ATP8A1: variants seen among roughly 807,000 people sequenced by gnomAD.
The protein encoded by ATP8A1 is ATPase phospholipid transporting 8A1, also known as phospholipid-transporting ATPase IA.
ATP8A1 carries 90 observed loss-of-function variants against 177.7 expected under a neutral mutation model. The observed-to-expected ratio is 0.51, with a 90% CI of 0.43 to 0.60. The LOEUF (loss-of-function observed/expected upper bound fraction) is 0.60, where lower values mean the gene tolerates loss of function less well. Ranked by LOEUF, ATP8A1 falls within the 20% of genes least tolerant of loss-of-function variation. The pLI is 0.00. For synonymous variants in ATP8A1, 493 were observed against 485.9 expected (o/e 1.01, Z -0.19); for missense variants, 1,072 against 1,392.8 (o/e 0.77, Z 3.67).
intron 1 of ATP8A1, among the ~76,000 whole-genome samples, chr4:42,635,782 C>CACATATATATATATATAT (rs1553920597): frequency 3.7e-4 from 19 of 51,976 alleles, no homozygotes; most frequent in South Asian, 2.6e-3. Flanking sequence ...CACACACACA[C>CACATATATATATATATAT]ATATATATAT....
At chr4:42,636,573 C>A (rs565015639) in intron 1 of ATP8A1, among the ~76,000 whole-genome samples, 2 of 152,122 alleles carry the variant, frequency 1.3e-5, no homozygotes, top group Non-Finnish European at 2.9e-5. Flanking sequence ...TTAGCAATAC[C>A]TCTCAAATTT....
intron 33 of ATP8A1, among the ~76,000 whole-genome samples, chr4:42,425,908 G>A (rs1714559681): frequency 6.6e-6 from 1 of 152,238 alleles, no homozygotes; most frequent in South Asian, 2.1e-4. Context: ...CCTTGAGAAG[G>A]GATCAGCTGA....
intron 24 of ATP8A1, among the ~76,000 whole-genome samples, chr4:42,491,061 C>T (rs1438756575): frequency 2.0e-5 from 3 of 151,836 alleles, no homozygotes; most frequent in Admixed American, 6.6e-5. Context: ...CCTGTATACT[C>T]TTAAATACTC....
chr4:42,568,268 A>C (rs1415592806), intron 15 of ATP8A1, among the ~76,000 whole-genome samples: 1 of 152,214 alleles, frequency 6.6e-6, no homozygotes, highest in African/African-American at 2.4e-5. Flanking sequence ...CACTTCACTG[A>C]AATAAATTCC....
chr4:42,549,116 T>C (rs1577562077), intron 18 of ATP8A1, 54 bp from the exon 19 acceptor site: 2 of 1,419,964 alleles, frequency 1.4e-6, no homozygotes, highest in South Asian at 1.2e-5. Context: ...CTTAAGCTTC[T>C]AGGAAATAAA....
intron 20 of ATP8A1, among the ~76,000 whole-genome samples, chr4:42,541,252 G>C (rs1728359775): frequency 6.6e-6 from 1 of 152,176 alleles, no homozygotes; most frequent in Non-Finnish European, 1.5e-5. Context: ...ACATATAGAT[G>C]TTAAATAAGC....
chr4:42,486,093 C>A (rs189289683), intron 24 of ATP8A1, among the ~76,000 whole-genome samples: 2 of 152,098 alleles, frequency 1.3e-5, no homozygotes, highest in Admixed American at 6.6e-5. Flanking sequence ...AGTTTTGCCA[C>A]GAGAGTACAC....
chr4:42,606,681 C>T (rs531087759), intron 5 of ATP8A1, among the ~76,000 whole-genome samples: 5 of 152,314 alleles, frequency 3.3e-5, no homozygotes, highest in Admixed American at 1.3e-4. Context: ...CAATTTTCCA[C>T]AACAGCTGCA....
intron 9 of ATP8A1, among the ~76,000 whole-genome samples, chr4:42,584,487 T>C (rs1049115452): frequency 1.3e-5 from 2 of 152,226 alleles, no homozygotes; most frequent in Non-Finnish European, 2.9e-5. Flanking sequence ...AATATGTTAG[T>C]GGTCAGTCTC....
intron 22 of ATP8A1, 64 bp from the exon 23 acceptor site, chr4:42,507,218 T>C (rs1724460314): frequency 1.3e-6 from 2 of 1,524,690 alleles, no homozygotes; most frequent in Admixed American, 3.5e-5. Flanking sequence ...AACAAAAAAT[T>C]GAAGTGTGTA....
intron 25 of ATP8A1, among the ~76,000 whole-genome samples, chr4:42,479,640 G>T (rs1008699805): frequency 1.3e-5 from 2 of 152,196 alleles, no homozygotes; most frequent in Non-Finnish European, 2.9e-5. Flanking sequence ...TAAAGCTTTG[G>T]GGAGGCCTTC....
At chr4:42,415,939 T>C (rs1052243330) in intron 35 of ATP8A1, among the ~76,000 whole-genome samples, 25 of 152,212 alleles carry the variant, frequency 1.6e-4, no homozygotes, top group Non-Finnish European at 3.5e-4. Flanking sequence ...CATATATATT[T>C]TAAAGTCTAG....
intron 5 of ATP8A1, among the ~76,000 whole-genome samples, chr4:42,606,066 C>G (rs1735766510): frequency 6.6e-6 from 1 of 152,194 alleles, no homozygotes; most frequent in Admixed American, 6.5e-5. Context: ...TTCTCTGCCA[C>G]TTGGTTTTCC....
chr4:42,534,550 C>T (rs1727585450), intron 20 of ATP8A1, among the ~76,000 whole-genome samples: 1 of 152,118 alleles, frequency 6.6e-6, no homozygotes, highest in African/African-American at 2.4e-5. Context: ...ATTGGTGTTC[C>T]TAAGGAAGAG....
At chr4:42,479,774 A>C (rs1721464063) in intron 25 of ATP8A1, among the ~76,000 whole-genome samples, 1 of 152,192 alleles carries the variant, frequency 6.6e-6, no homozygotes, top group South Asian at 2.1e-4. Context: ...AAACAGTAAA[A>C]TGAATAAGAG....
chr4:42,507,779 CT>C (rs1724555899), intron 22 of ATP8A1, among the ~76,000 whole-genome samples: 1 of 4,784 alleles, frequency 2.1e-4, no homozygotes, highest in Non-Finnish European at 4.0e-4. Context: ...GACAGGCATT[CT>C]AAAAAAAAAA....
chr4:42,648,323 C>T (rs1282590107), intron 1 of ATP8A1, among the ~76,000 whole-genome samples: 1 of 151,138 alleles, frequency 6.6e-6, no homozygotes, highest in East Asian at 1.9e-4. Context: ...GAATTTGATA[C>T]CAGGGGCTAA....
At position 42,611,546 on chromosome 4, in the gene ATP8A1, A is replaced by C. The variant is rs530967171; in HGVS notation, c.409+4487T>G. On this transcript the variant is annotated intron_variant, in intron 5 of 36. Coordinates refer to ENST00000381668, the MANE Select transcript of ATP8A1 (RefSeq NM_006095.2). Reference sequence around the variant, plus strand: ...ATACACCTGGGGCTTTAAAAAGCAAATTTACTCATTAGGAAGCATTTACAA... The same window carrying C: ...ATACACCTGGGGCTTTAAAAAGCAACTTTACTCATTAGGAAGCATTTACAA... Among the ~76,000 whole-genome samples, 11 of 152,250 alleles carry C rather than the reference A, an allele frequency of 7.2e-5. No homozygotes were observed. The East Asian group carries it at 2.1e-3, about 29-fold the overall frequency.
intron 19 of ATP8A1, among the ~76,000 whole-genome samples, chr4:42,545,096 G>A (rs893145355): frequency 1.3e-5 from 2 of 150,218 alleles, no homozygotes; most frequent in Non-Finnish European, 3.0e-5. Context: ...GGAGGTGGAG[G>A]TTGCAGTGAA....
Sources: gnomAD v4.1 joint callset for allele counts (sites outside exome capture counted in the v4.1 genomes callset) on GRCh38, gnomAD v4.1.1 for gene constraint, MANE v1.5 for transcripts, NCBI Gene and HGNC (gene_info 2026-07-23, HGNC 2026-07-21) for gene names.